The following LRPAP1 variants were observed in gnomAD, a reference collection of about 807,000 sequenced individuals.
LRPAP1 encodes the protein LDL receptor related protein associated protein 1, also known as alpha-2-macroglobulin receptor-associated protein.
Under a neutral mutation model 39.9 loss-of-function variants are expected in LRPAP1, and 41 were observed. That is an observed-to-expected ratio of 1.03 (90% CI 0.80 to 1.33). LRPAP1 has a LOEUF of 1.33. Ranked by LOEUF, LRPAP1 falls within the 40% of genes most tolerant of loss-of-function variation. The pLI is 0.00. For synonymous variants in LRPAP1, 263 were observed against 212.7 expected (o/e 1.24, Z -2.06); for missense variants, 565 against 482.3 (o/e 1.17, Z -1.61).
chr4:3,528,201 A>G (rs904041770), intron 1 of LRPAP1, among the ~76,000 whole-genome samples: 3 of 152,212 alleles, frequency 2.0e-5, no homozygotes, highest in Non-Finnish European at 4.4e-5. Context: ...GTGGAAACCA[A>G]CTGCAGAAAA....
chr4:3,529,091 G>C (rs1271850734), intron 1 of LRPAP1, among the ~76,000 whole-genome samples: 1 of 152,160 alleles, frequency 6.6e-6, no homozygotes, highest in Non-Finnish European at 1.5e-5. Context: ...AGGAGGCAGA[G>C]GCGGGAGGAT....
chr4:3,532,234 T>C lies in LRPAP1; in HGVS notation c.179A>G (p.Asn60Ser). Reference protein sequence around the residue: ...SGEEFRMEKLNQLWEKAQRLH... With the variant: ...SGEEFRMEKLSQLWEKAQRLH... ...TCGCTGGGCCTTCTCCCACAGCTGG[T>C]TCAACTTCTCCATGCGGAACTCCTC... Residue 60 changes from asparagine (N) to serine (S), a missense_variant, in exon 1 of 8, where the codon AAC (asparagine) becomes AGC (serine). Physicochemically the swap from Asn to Ser is conservative, Grantham distance 46. Coordinates refer to ENST00000650182, the MANE Select transcript of LRPAP1 (RefSeq NM_002337.4). The C allele has an allele frequency of 6.4e-7, 1 of 1,550,598 alleles. No individual in the cohort carries two copies. Among genetic ancestry groups the C allele is most frequent in the Non-Finnish European group, 8.7e-7 (1 of 1,146,850 alleles).
intron 5 of LRPAP1, among the ~76,000 whole-genome samples, chr4:3,517,072 C>G (rs1028319125): frequency 7.9e-5 from 12 of 152,202 alleles, no homozygotes; most frequent in Non-Finnish European, 1.5e-4. Context: ...CATCGCAGGC[C>G]TACAAGGTGG....
rs150338211 is a variant in LRPAP1, at chr4:3,527,982, A to G, written c.205-2931T>C. Among the ~76,000 whole-genome samples, 651 of 152,258 alleles carry G rather than the reference A, an allele frequency of 4.3e-3. 4 individuals carry two copies. The highest frequency in any genetic ancestry group is 0.015 in the African/African-American group (629 of 41,538). Reference sequence around the variant, plus strand: ...ACAGGGGGTCTAAATTTCACACCGCATGTCTCACAAAAGCCAGCTCCCTTT... The same window carrying G: ...ACAGGGGGTCTAAATTTCACACCGCGTGTCTCACAAAAGCCAGCTCCCTTT... On this transcript the variant is annotated intron_variant, in intron 1 of 7. Transcript: ENST00000650182.
At chr4:3,525,592 G>A (rs779372338) in intron 1 of LRPAP1, among the ~76,000 whole-genome samples, 1 of 152,182 alleles carries the variant, frequency 6.6e-6, no homozygotes, top group Non-Finnish European at 1.5e-5. Flanking sequence ...TCCTTCTGGA[G>A]CAGGAATCTG....
At chr4:3,525,757 G>A (rs776557134) in intron 1 of LRPAP1, among the ~76,000 whole-genome samples, 10 of 152,206 alleles carry the variant, frequency 6.6e-5, no homozygotes, top group Non-Finnish European at 1.2e-4. Flanking sequence ...CCCAGCTCTG[G>A]GACCCTGGGT....
rs755185603 is a variant in LRPAP1 at position 3,518,910 on chromosome 4, C to G, written c.553G>C (p.Glu185Gln). 6.2e-7 allele frequency: 1 copy of G among 1,613,612 alleles called. No homozygotes were observed. The highest frequency in any genetic ancestry group is 8.5e-7 in the Non-Finnish European group (1 of 1,179,912). The change falls in exon 4 of 8, where the codon GAG (glutamate) becomes CAG (glutamine). Residue 185 changes from glutamate (E) to glutamine (Q), a missense_variant. Physicochemically the swap from Glu to Gln is conservative, Grantham distance 29. Coordinates refer to ENST00000650182, the MANE Select transcript of LRPAP1 (RefSeq NM_002337.4). ...EFLHHKEKVHEYNVLLETLSR... is the reference protein window; with the variant it reads ...EFLHHKEKVHQYNVLLETLSR... The stretch of plus-strand genomic sequence containing the variant: ...AGGGTCTCCAGCAGGACGTTGTACT[C>G]GTGAACTTTCTCTTTGTGATGCAGG...
chr4:3,531,358 A>T (rs576978737), intron 1 of LRPAP1, among the ~76,000 whole-genome samples: 1 of 152,086 alleles, frequency 6.6e-6, no homozygotes, highest in South Asian at 2.1e-4. Flanking sequence ...CCTCTCAAAG[A>T]CTCAGGAATG....
At chr4:3,515,075 G>A (rs1729652952) in intron 6 of LRPAP1, 147 bp from the exon 7 acceptor site, 3 of 854,798 alleles carry the variant, frequency 3.5e-6, no homozygotes, top group South Asian at 1.6e-5. Context: ...TGAGGGGGCG[G>A]CAGCTGGGAG....
At position 3,518,863 on chromosome 4, in the gene LRPAP1, G is replaced by T. The variant is rs1182027467; in HGVS notation, c.592+8C>A. ...CAGAGGGCAGGAGGGGGTGGGGGCG[G>T]GGGGCACCTTCGGTCCTGCTCAGGG... On this transcript the variant is annotated splice_region_variant and intron_variant, in intron 4 of 7. Coordinates refer to ENST00000650182, the MANE Select transcript of LRPAP1 (RefSeq NM_002337.4). 1 of 1,561,260 alleles carries T rather than the reference G, an allele frequency of 6.4e-7. No individual in the cohort carries two copies. Among genetic ancestry groups the T allele is most frequent in the East Asian group, 2.3e-5 (1 of 42,718 alleles).
At chr4:3,530,089 C>A (rs776066847) in intron 1 of LRPAP1, among the ~76,000 whole-genome samples, 2 of 152,146 alleles carry the variant, frequency 1.3e-5, no homozygotes, top group East Asian at 3.9e-4. Flanking sequence ...GGTAAGAAGC[C>A]GACTGGAGTG....
At chr4:3,531,203 A>G (rs1730782) in intron 1 of LRPAP1, among the ~76,000 whole-genome samples, 16,200 of 152,112 alleles carry the variant, frequency 0.11, 1,072 homozygotes, top group East Asian at 0.24. Flanking sequence ...GCAGTTCAGG[A>G]AGGGCCTGTG....
chr4:3,524,742 T>C (rs1730026485), intron 2 of LRPAP1, among the ~76,000 whole-genome samples, 165 bp downstream of exon 2: 1 of 152,228 alleles, frequency 6.6e-6, no homozygotes, highest in African/African-American at 2.4e-5. Flanking sequence ...CTAAGCTTTC[T>C]GGGCACTCAG....
At chr4:3,528,802 T>C (rs529161164) in intron 1 of LRPAP1, among the ~76,000 whole-genome samples, 5 of 152,308 alleles carry the variant, frequency 3.3e-5, no homozygotes, top group South Asian at 4.1e-4. Flanking sequence ...CGTACCCGCC[T>C]TGAGCTGCTG....
At chr4:3,522,332 C>A (rs1729933718) in intron 2 of LRPAP1, among the ~76,000 whole-genome samples, 3 of 152,262 alleles carry the variant, frequency 2.0e-5, no homozygotes, top group African/African-American at 2.4e-5. Flanking sequence ...CAGACCCCAT[C>A]AAAAGGCAGA....
At position 3,516,121 on chromosome 4, in the gene LRPAP1, AC is replaced by A. The variant is rs1201785752; in HGVS notation, c.828del (p.Phe277SerfsTer29). The A allele has an allele frequency of 6.4e-7, 1 of 1,574,576 alleles. No individual in the cohort carries two copies. Among genetic ancestry groups the A allele is most frequent in the East Asian group, 2.3e-5 (1 of 43,444 alleles). On this transcript the variant is annotated frameshift_variant, in exon 6 of 8. Transcript: ENST00000650182. LOFTEE classifies it high-confidence loss of function. Reference protein sequence around the residue: ...SANLTDKELEAFREELKHFEA... With the variant: ...SANLTDKELEXFREELKHFEA... ...AGAGGGCCGTGTTTCCTTACCCGGAACGCCTCCAGCTCCTTGTCCGTGAGGT... is the reference window on the plus strand; with the variant it reads ...AGAGGGCCGTGTTTCCTTACCCGGAAGCCTCCAGCTCCTTGTCCGTGAGGT...
intron 6 of LRPAP1, among the ~76,000 whole-genome samples, chr4:3,515,701 C>A (rs896427923): frequency 6.6e-6 from 1 of 152,166 alleles, no homozygotes; most frequent in African/African-American, 2.4e-5. Flanking sequence ...CCACACGCCC[C>A]AGGAGCCCCT....
At chr4:3,523,245 GCCAGT>G (rs1213245167) in intron 2 of LRPAP1, among the ~76,000 whole-genome samples, 12 of 152,186 alleles carry the variant, frequency 7.9e-5, no homozygotes, top group African/African-American at 2.7e-4. Flanking sequence ...CTGCTGCATA[GCCAGT>G]CCCTTCTTCC....
intron 2 of LRPAP1, among the ~76,000 whole-genome samples, chr4:3,524,405 G>A (rs1263387941): frequency 1.3e-5 from 2 of 152,218 alleles, no homozygotes; most frequent in Non-Finnish European, 2.9e-5. Context: ...AGATGCTAGG[G>A]CAGACCTGCT....
Sources: gnomAD v4.1 joint callset for allele counts (sites outside exome capture counted in the v4.1 genomes callset) on GRCh38, gnomAD v4.1.1 for gene constraint, MANE v1.5 for transcripts, NCBI Gene and HGNC (gene_info 2026-07-23, HGNC 2026-07-21) for gene names.